Variants in TFEC observed in about 807,000 individuals in gnomAD.
TFEC encodes transcription factor EC.
In TFEC, 31 loss-of-function variants were observed where a neutral mutation model predicts 41.6. The ratio of observed to expected loss-of-function variants is 0.74; its 90% CI spans 0.56 to 1.01. The LOEUF is 1.01. TFEC is among the 50% of genes least tolerant of loss of function. The pLI is 0.00. For missense variants in TFEC, 402 were observed against 404.1 expected (o/e 0.99, Z 0.04); for synonymous variants, 143 against 140.6 (o/e 1.02, Z -0.12).
At chr7:116,074,844 T>C (rs929855962) in intron 3 of TFEC, among the ~76,000 whole-genome samples, 2 of 152,118 alleles carry the variant, frequency 1.3e-5, no homozygotes, top group Non-Finnish European at 2.9e-5. Flanking sequence ...TTATTCACAA[T>C]AGCAAAAAGC....
intron 1 of TFEC, among the ~76,000 whole-genome samples, chr7:116,154,649 A>T (rs1410274076): frequency 6.6e-6 from 1 of 152,196 alleles, no homozygotes. Flanking sequence ...TAATTCTTTA[A>T]GATATTAAGT....
chr7:116,007,565 C>T (rs189623252), intron 1 of TFEC, among the ~76,000 whole-genome samples: 5 of 152,250 alleles, frequency 3.3e-5, no homozygotes, highest in African/African-American at 4.8e-5. Flanking sequence ...CTCCTAAATA[C>T]GTGACTTATT....
upstream of TFEC, among the ~76,000 whole-genome samples, chr7:116,034,815 C>T (rs1795872752): frequency 6.6e-6 from 1 of 151,920 alleles, no homozygotes; most frequent in Non-Finnish European, 1.5e-5. Flanking sequence ...GAACTTAAGT[C>T]ATTCCAATTC....
At chr7:116,016,574 A>G (rs763058881) in intron 1 of TFEC, among the ~76,000 whole-genome samples, 6 of 152,064 alleles carry the variant, frequency 3.9e-5, no homozygotes, top group African/African-American at 9.7e-5. Context: ...GACACGCCCT[A>G]TTCCCACAGA....
intron 1 of TFEC, among the ~76,000 whole-genome samples, chr7:115,991,852 T>C (rs1306969683): frequency 6.6e-6 from 1 of 152,148 alleles, no homozygotes; most frequent in Admixed American, 6.5e-5. Context: ...CTGCATCAAG[T>C]GGACCTAACA....
rs58295381 is a variant in TFEC at position 116,044,295 on chromosome 7, C to T, written c.199-59782G>A. Among the ~76,000 whole-genome samples, 16 of 152,242 alleles carry T rather than the reference C, an allele frequency of 1.1e-4. No homozygotes were observed. The East Asian group carries it at 3.1e-3, about 29-fold the overall frequency. On this transcript the variant is annotated intron_variant, in intron 3 of 8. Transcript: ENST00000484212. ...TACCAGGCAAGCTAATAATGTGTTACCCCTTTTCTAATTGATATTTTAAGG... is the reference window on the plus strand; with the variant it reads ...TACCAGGCAAGCTAATAATGTGTTATCCCTTTTCTAATTGATATTTTAAGG...
chr7:116,105,693 C>A (rs934796847), intron 3 of TFEC, among the ~76,000 whole-genome samples: 2 of 152,154 alleles, frequency 1.3e-5, no homozygotes, highest in African/African-American at 2.4e-5. Flanking sequence ...AAAGAAGCAT[C>A]TCGGAGGTAG....
At chr7:116,090,654 T>TC (rs1445768288) in intron 3 of TFEC, among the ~76,000 whole-genome samples, 3 of 152,048 alleles carry the variant, frequency 2.0e-5, no homozygotes, top group Non-Finnish European at 4.4e-5. Context: ...CTTCTTTTTT[T>TC]CCTAAAACTA....
chr7:116,135,069 C>G (rs1462970248), intron 1 of TFEC, among the ~76,000 whole-genome samples: 1 of 152,096 alleles, frequency 6.6e-6, no homozygotes, highest in Non-Finnish European at 1.5e-5. Flanking sequence ...CAAAGTCATA[C>G]TATCCCTCCT....
chr7:116,016,949 T>G (rs1167478620), intron 1 of TFEC, among the ~76,000 whole-genome samples: 2 of 152,072 alleles, frequency 1.3e-5, no homozygotes, highest in Non-Finnish European at 2.9e-5. Context: ...GAAACTAGTC[T>G]TCCTTTATTC....
intron 1 of TFEC, among the ~76,000 whole-genome samples, chr7:115,995,772 G>C (rs912813691): frequency 1.3e-5 from 2 of 152,156 alleles, no homozygotes; most frequent in African/African-American, 4.8e-5. Flanking sequence ...TGTGCTCTTG[G>C]GGGAGAAAGA....
At chr7:116,151,085 G>A (rs1798750858) in intron 1 of TFEC, among the ~76,000 whole-genome samples, 1 of 151,916 alleles carries the variant, frequency 6.6e-6, no homozygotes, top group Non-Finnish European at 1.5e-5. Flanking sequence ...GAGTTTTTCT[G>A]GCATTTCACA....
At chr7:116,091,021 A>C (rs1279986255) in intron 3 of TFEC, among the ~76,000 whole-genome samples, 1 of 151,998 alleles carries the variant, frequency 6.6e-6, no homozygotes, top group African/African-American at 2.4e-5. Flanking sequence ...TGTAGATGAC[A>C]GGTTGATGGG....
chr7:116,133,845 G>A (rs192808610), intron 1 of TFEC, among the ~76,000 whole-genome samples: 1 of 152,226 alleles, frequency 6.6e-6, no homozygotes, highest in Admixed American at 6.5e-5. Context: ...ATTAGAGAGC[G>A]ATGTTTATGA....
At chr7:115,989,450 G>A (rs138753458) in intron 1 of TFEC, among the ~76,000 whole-genome samples, 4,034 of 152,258 alleles carry the variant, frequency 0.026, 69 homozygotes, top group Non-Finnish European at 0.038. Flanking sequence ...GCGGGGCATC[G>A]CCTCACCCGG....
chr7:116,019,732 T>C (rs546403289), intron 1 of TFEC, among the ~76,000 whole-genome samples: 1 of 152,272 alleles, frequency 6.6e-6, no homozygotes, highest in East Asian at 1.9e-4. Flanking sequence ...ACCCATACAG[T>C]ATTTTGCTAT....
At chr7:116,077,981 T>C (rs1323508231) in intron 3 of TFEC, among the ~76,000 whole-genome samples, 1 of 152,122 alleles carries the variant, frequency 6.6e-6, no homozygotes, top group Non-Finnish European at 1.5e-5. Flanking sequence ...ATACATTCTA[T>C]CCATCAGCAC....
intron 3 of TFEC, among the ~76,000 whole-genome samples, chr7:116,087,715 CT>C: frequency 6.6e-6 from 1 of 151,994 alleles, no homozygotes; most frequent in Non-Finnish European, 1.5e-5. Context: ...AATTTAAATT[CT>C]TTCCCAATAG....
intron 1 of TFEC, among the ~76,000 whole-genome samples, chr7:116,018,040 A>T (rs1795260241): frequency 6.6e-6 from 1 of 152,192 alleles, no homozygotes; most frequent in African/African-American, 2.4e-5. Context: ...GAATGAGGAA[A>T]AAAGCCAATA....
Sources: allele counts gnomAD v4.1 joint callset (sites outside exome capture counted in the v4.1 genomes callset), GRCh38; gene constraint gnomAD v4.1.1; transcripts MANE v1.5; gene names NCBI Gene and HGNC (gene_info 2026-07-23, HGNC 2026-07-21).